Variants in BCAS3 observed in about 807,000 individuals in gnomAD.
BCAS3 encodes BCAS4/BCAS3 fusion.
Under a neutral mutation model 116.1 loss-of-function variants are expected in BCAS3, and 53 were observed. The ratio of observed to expected loss-of-function variants is 0.46; its 90% CI spans 0.37 to 0.57. The LOEUF (loss-of-function observed/expected upper bound fraction) is 0.57, where lower values mean the gene tolerates loss of function less well. Among genes scored for constraint, BCAS3 ranks in the 20% least tolerant of loss-of-function variants. The pLI, the probability that BCAS3 is intolerant of heterozygous loss-of-function variation, is 0.00. For missense variants in BCAS3, 917 were observed against 1,165.4 expected (o/e 0.79, Z 3.10); for synonymous variants, 391 against 408.2 (o/e 0.96, Z 0.51).
rs550988817 is a variant in BCAS3 at position 61,332,773 on chromosome 17, G to A, written c.2426-35554G>A. ...TGGGATTATAGGCGTCTGCCACCAC[G>A]CCTGGCTAATTTTTGTATTTTTAGG... On this transcript the variant is annotated intron_variant, in intron 22 of 23. Transcript: ENST00000407086. This position sits in a 1 kb window ranked among gnomAD's most constrained non-coding sequence, Gnocchi z 5.4. Among the ~76,000 whole-genome samples the A allele has an allele frequency of 3.3e-5, 5 of 152,094 alleles. No individual in the cohort carries two copies. Among genetic ancestry groups the A allele is most frequent in the African/African-American group, 9.6e-5 (4 of 41,490 alleles).
At chr17:61,005,588 A>T (rs934098905) in intron 15 of BCAS3, among the ~76,000 whole-genome samples, 1 of 151,982 alleles carries the variant, frequency 6.6e-6, no homozygotes, top group African/African-American at 2.4e-5. Context: ...CTGCGTCATG[A>T]TGCTGAAATA....
Position 61,084,430 on chromosome 17 carries a change from C to T in BCAS3, c.2328-37C>T, listed in dbSNP as rs1194244256. 7.9e-6 allele frequency: 12 copies of T among 1,525,880 alleles called. No homozygotes were observed. The highest frequency in any genetic ancestry group is 1.9e-5 in the Admixed American group (1 of 53,242). The allele number at this position is 1,525,880 out of a possible 1,614,324, so 94.5% of individuals were successfully genotyped here. ...TTGTAGCAAGTGACAGTTTTGATGC[C>T]AGTAACATATGTGAATTAAATTAAA... On this transcript the variant is annotated intron_variant, in intron 21 of 23. Transcript: ENST00000407086. The surrounding 1 kb of genome is among the most constrained non-coding windows in gnomAD (Gnocchi z 5.5).
chr17:60,769,993 T>C (rs2044500195), intron 6 of BCAS3, among the ~76,000 whole-genome samples: 1 of 152,002 alleles, frequency 6.6e-6, no homozygotes, highest in Non-Finnish European at 1.5e-5. Flanking sequence ...CAGGCTGGTC[T>C]CGAACTCCTG....
At chr17:60,727,614 G>A (rs2144137388) in intron 5 of BCAS3, 2 of 589,484 alleles carry the variant, frequency 3.4e-6, no homozygotes, top group South Asian at 2.7e-5. Context: ...TTAGGTTCAC[G>A]GCAAAACTGA....
chr17:60,984,723 G>A (rs1315633484), intron 14 of BCAS3, among the ~76,000 whole-genome samples: 1 of 151,888 alleles, frequency 6.6e-6, no homozygotes, highest in African/African-American at 2.4e-5. Flanking sequence ...GAAATGTTTT[G>A]TTTTATCCAG....
intron 4 of BCAS3, among the ~76,000 whole-genome samples, chr17:60,706,224 G>A (rs528579425): frequency 7.5e-4 from 114 of 151,930 alleles, no homozygotes; most frequent in Non-Finnish European, 1.3e-3. Flanking sequence ...CACCACGCCC[G>A]GCTAATTTTT....
intron 7 of BCAS3, among the ~76,000 whole-genome samples, chr17:60,843,008 A>G (rs2144768192): frequency 6.6e-6 from 1 of 151,942 alleles, no homozygotes; most frequent in East Asian, 1.9e-4. Context: ...AGCAGCTAGG[A>G]ATGTAGGTGT....
In BCAS3 at chr17:60,698,183, C is replaced by CAAAA. The variant is rs759028839; in HGVS notation, c.214+8441_214+8444dup. ...GGTGACAGAGCGAGACTCCGTCTCA[C>CAAAA]AAAAAAAAAAAAAAAAAAAAAAGAG... On this transcript the variant is annotated intron_variant, in intron 4 of 23. Coordinates refer to ENST00000407086, the MANE Select transcript of BCAS3 (RefSeq NM_017679.5). 5.0e-3 allele frequency among the ~76,000 whole-genome samples: 272 copies of CAAAA among 54,696 alleles called. 1 individual carries two copies. Among genetic ancestry groups the CAAAA allele is most frequent in the African/African-American group, 0.013 (203 of 15,044 alleles). 35.9% of individuals were successfully genotyped at this position (54,696 alleles called of 152,430 possible).
chr17:60,936,768 C>T (rs983231394), intron 13 of BCAS3, among the ~76,000 whole-genome samples: 1 of 152,118 alleles, frequency 6.6e-6, no homozygotes, highest in Non-Finnish European at 1.5e-5. Context: ...AGCCCTTTGT[C>T]AGATGAGTAG....
chr17:61,320,142 G>A (rs532690829), intron 22 of BCAS3, among the ~76,000 whole-genome samples: 2 of 151,428 alleles, frequency 1.3e-5, no homozygotes, highest in South Asian at 2.1e-4. Flanking sequence ...CTCCCGCCTC[G>A]GCCTCCCAAA....
intron 22 of BCAS3, among the ~76,000 whole-genome samples, chr17:61,197,939 T>C (rs2080581806): frequency 6.6e-6 from 1 of 152,182 alleles, no homozygotes; most frequent in African/African-American, 2.4e-5. Context: ...CATAGATAAG[T>C]AATAAGATGA....
At chr17:60,992,812 G>A (rs1255411189) in intron 15 of BCAS3, among the ~76,000 whole-genome samples, 1 of 152,054 alleles carries the variant, frequency 6.6e-6, no homozygotes, top group Admixed American at 6.6e-5. Context: ...ACATTTTTTG[G>A]TGTTAGTGTT....
At position 61,188,863 on chromosome 17, in the gene BCAS3, C is replaced by T. The variant is rs2079929606; in HGVS notation, c.2425+104299C>T. On this transcript the variant is annotated intron_variant, in intron 22 of 23. Coordinates refer to ENST00000407086, the MANE Select transcript of BCAS3 (RefSeq NM_017679.5). The surrounding 1 kb of genome is among the most constrained non-coding windows in gnomAD (Gnocchi z 4.0). Reference sequence around the variant, plus strand: ...TGGTGGCTCATGCCTATAATCCCAGCACGTTGGGAGGCTGAGGTGGGAGGA... The same window carrying T: ...TGGTGGCTCATGCCTATAATCCCAGTACGTTGGGAGGCTGAGGTGGGAGGA... Among the ~76,000 whole-genome samples, 2 of 152,304 alleles carry T rather than the reference C, an allele frequency of 1.3e-5. No homozygotes were observed. Among genetic ancestry groups the T allele is most frequent in the South Asian group, 4.1e-4 (2 of 4,826 alleles).
At chr17:61,039,040 A>T (rs2067291681) in intron 18 of BCAS3, among the ~76,000 whole-genome samples, 1 of 152,168 alleles carries the variant, frequency 6.6e-6, no homozygotes, top group Non-Finnish European at 1.5e-5. Flanking sequence ...TGCACTTATC[A>T]CTGCAATCAG....
chr17:61,201,664 T>C (rs1189117899), intron 22 of BCAS3, among the ~76,000 whole-genome samples: 1 of 152,146 alleles, frequency 6.6e-6, no homozygotes, highest in Admixed American at 6.5e-5. Context: ...CTTCGTGAAG[T>C]ACGTTCCACG....
intron 19 of BCAS3, among the ~76,000 whole-genome samples, chr17:61,058,041 C>G (rs1359701805): frequency 6.6e-6 from 1 of 151,882 alleles, no homozygotes; most frequent in Non-Finnish European, 1.5e-5. Flanking sequence ...TCTGACTGTT[C>G]CATTTATCAA....
At position 61,354,937 on chromosome 17, in the gene BCAS3, C is replaced by T. The variant is rs1285987647; in HGVS notation, c.2426-13390C>T. On this transcript the variant is annotated intron_variant, in intron 22 of 23. Transcript: ENST00000407086. This position sits in a 1 kb window ranked among gnomAD's most constrained non-coding sequence, Gnocchi z 4.5. Reference sequence around the variant, plus strand: ...TCAGGGCAGGTGGACTCCTCCTTTCCTTTCCCCGCAGCTACTGTCCCAGGG... The same window carrying T: ...TCAGGGCAGGTGGACTCCTCCTTTCTTTTCCCCGCAGCTACTGTCCCAGGG... The T allele has an allele frequency of 1.3e-5, 2 of 152,318 alleles. No individual in the cohort carries two copies. Among genetic ancestry groups the T allele is most frequent in the African/African-American group, 2.4e-5 (1 of 41,462 alleles). The allele number at this position is 152,318 out of a possible 1,614,324, so 9.4% of individuals were successfully genotyped here.
rs962056106 is a variant in BCAS3, at chr17:61,364,347, G to A, written c.2426-3980G>A. Among the ~76,000 whole-genome samples, 2 of 152,188 alleles carry A rather than the reference G, an allele frequency of 1.3e-5. No individual in the cohort carries two copies. The highest frequency in any genetic ancestry group is 2.9e-5 in the Non-Finnish European group (2 of 68,034). On this transcript the variant is annotated intron_variant, in intron 22 of 23. Coordinates refer to ENST00000407086, the MANE Select transcript of BCAS3 (RefSeq NM_017679.5). The surrounding 1 kb of genome is among the most constrained non-coding windows in gnomAD (Gnocchi z 5.4). ...AACTCGGGCTGGTTGGGAGTGGGAA[G>A]GGTTTTTAAATGTCATTGGTTGAAG... is the stretch of plus-strand genomic sequence containing the variant.
intron 14 of BCAS3, among the ~76,000 whole-genome samples, chr17:60,949,082 G>C (rs1355035888): frequency 6.6e-6 from 1 of 151,904 alleles, no homozygotes; most frequent in Non-Finnish European, 1.5e-5. Flanking sequence ...TCACCATGTT[G>C]GCCAGGCTGG....
Sources: allele counts gnomAD v4.1 joint callset (sites outside exome capture counted in the v4.1 genomes callset), GRCh38; gene constraint gnomAD v4.1.1; non-coding constraint Gnocchi (gnomAD v3.1); transcripts MANE v1.5; gene names NCBI Gene and HGNC (gene_info 2026-07-23, HGNC 2026-07-21).